CORO1C: variants seen among roughly 807,000 people sequenced by gnomAD.
CORO1C encodes the protein coronin-1C.
CORO1C carries 14 observed loss-of-function variants against 51.2 expected under a neutral mutation model. The observed-to-expected ratio is 0.27, with a 90% CI of 0.18 to 0.43. The LOEUF (loss-of-function observed/expected upper bound fraction) is 0.43. Ranked by LOEUF, CORO1C falls within the 20% of genes least tolerant of loss-of-function variation. CORO1C has a pLI of 1.00. For missense variants in CORO1C, 417 were observed against 607.8 expected (o/e 0.69, Z 3.30); for synonymous variants, 181 against 210.5 (o/e 0.86, Z 1.21).
rs547865467 is a variant in CORO1C, at chr12:108,657,066, T to A, written c.750+238A>T. 1.0e-3 allele frequency among the ~76,000 whole-genome samples: 151 copies of A among 151,606 alleles called. 2 individuals carry two copies. The highest frequency in any genetic ancestry group is 6.8e-3 in the Middle Eastern group (2 of 294). On this transcript the variant is annotated intron_variant, in intron 6 of 10. Transcript: ENST00000261401. The stretch of plus-strand genomic sequence containing the variant: ...CCAATAAAATTAAAATTAAAAAAAA[T>A]TAAAAAAATAAAAAATATATAGTCA...
chr12:108,647,465 T>G lies in CORO1C; in HGVS notation c.1363A>C (p.Ile455Leu). Reference protein sequence around the residue: ...LKEIKSIKDTICNQDERISKL... With the variant: ...LKEIKSIKDTLCNQDERISKL... The stretch of plus-strand genomic sequence containing the variant: ...GAAATACGCTCATCTTGATTGCAGA[T>G]TGTGTCTTTTATAGATTTGATCTCT... Residue 455 changes from isoleucine (I) to leucine (L), a missense_variant, in exon 11 of 11, where the codon ATC becomes CTC. Physicochemically the swap from Ile to Leu is conservative, Grantham distance 5 (BLOSUM62 2). Transcript: ENST00000261401. 1.9e-6 allele frequency: 3 copies of G among 1,611,500 alleles called. No homozygotes were observed. The highest frequency in any genetic ancestry group is 2.5e-6 in the Non-Finnish European group (3 of 1,177,720).
At chr12:108,678,191 C>A (rs536797731) in intron 3 of CORO1C, 81 bp downstream of exon 3, 1 of 1,313,738 alleles carries the variant, frequency 7.6e-7, no homozygotes, top group East Asian at 2.5e-5. Flanking sequence ...TCTATACATA[C>A]ACACACACCC....
intron 3 of CORO1C, among the ~76,000 whole-genome samples, chr12:108,676,299 A>C (rs1314274294): frequency 6.6e-6 from 1 of 152,232 alleles, no homozygotes; most frequent in Non-Finnish European, 1.5e-5. Flanking sequence ...TCGCTATGTC[A>C]TAAATCACTT....
chr12:108,710,095 A>G (rs1326694366), intron 1 of CORO1C, among the ~76,000 whole-genome samples: 1 of 152,090 alleles, frequency 6.6e-6, no homozygotes. Flanking sequence ...GTAATTTATC[A>G]CTCTCCTCCT....
At chr12:108,710,381 T>G (rs1432635731) in intron 1 of CORO1C, among the ~76,000 whole-genome samples, 1 of 152,152 alleles carries the variant, frequency 6.6e-6, no homozygotes, top group Non-Finnish European at 1.5e-5. Flanking sequence ...TAAACTTGTT[T>G]TCACTTTAAA....
chr12:108,708,462 G>C (rs1565933918), intron 1 of CORO1C, among the ~76,000 whole-genome samples: 1 of 143,690 alleles, frequency 7.0e-6, no homozygotes, highest in Admixed American at 7.0e-5. Flanking sequence ...GTTGCTTAGA[G>C]TTTTTTTTTT....
In CORO1C at chr12:108,647,318, C is replaced by T. The variant is rs536384601; in HGVS notation, c.*85G>A. The T allele has an allele frequency of 3.4e-4, 449 of 1,303,310 alleles. 1 individual carries two copies. Among genetic ancestry groups the T allele is most frequent in the Admixed American group, 4.8e-4 (18 of 37,290 alleles). The allele number at this position is 1,303,310 out of a possible 1,614,324, so 80.7% of individuals were successfully genotyped here. ...CTCCAAATGGCAGTGCCTCCCTTTCCGCCCTCCCTAGGACCACACCAATAA... is the reference window on the plus strand; with the variant it reads ...CTCCAAATGGCAGTGCCTCCCTTTCTGCCCTCCCTAGGACCACACCAATAA... On this transcript the variant is annotated 3_prime_UTR_variant, in exon 11 of 11. Coordinates refer to ENST00000261401, the MANE Select transcript of CORO1C (RefSeq NM_014325.4).
intron 3 of CORO1C, among the ~76,000 whole-genome samples, chr12:108,673,927 C>T (rs1282679586): frequency 6.6e-6 from 1 of 151,844 alleles, no homozygotes; most frequent in African/African-American, 2.4e-5. Context: ...TAAATCTACT[C>T]TATGTTCTAG....
chr12:108,647,558 G>A (rs2032419748), intron 10 of CORO1C, 36 bp from the exon 11 acceptor site: 1 of 1,528,488 alleles, frequency 6.5e-7, no homozygotes, highest in African/African-American at 1.4e-5. Flanking sequence ...TGATTAAAAT[G>A]CAGTAAACAA....
Position 108,657,346 on chromosome 12 carries a change from C to T in CORO1C, c.708G>A (p.Gly236=), listed in dbSNP as rs188618736. The change falls in exon 6 of 11, where the codon GGG becomes GGA. Residue 236 remains glycine (G), a synonymous_variant. Coordinates refer to ENST00000261401, the MANE Select transcript of CORO1C (RefSeq NM_014325.4). ...FLADGNVFTT[G]FSRMSERQLA... ...GCTGCCGCTCGCTCATGCGGCTGAACCCAGTGGTGAAGACATTGCCATCGG... is the reference window on the plus strand; with the variant it reads ...GCTGCCGCTCGCTCATGCGGCTGAATCCAGTGGTGAAGACATTGCCATCGG... The T allele has an allele frequency of 6.2e-7, 1 of 1,614,112 alleles. No individual in the cohort carries two copies. The highest frequency in any genetic ancestry group is 8.5e-7 in the Non-Finnish European group (1 of 1,179,978).
intron 1 of CORO1C, among the ~76,000 whole-genome samples, chr12:108,710,694 G>T (rs1447809414): frequency 2.0e-5 from 3 of 151,906 alleles, no homozygotes; most frequent in Non-Finnish European, 4.4e-5. Context: ...CTCCCGAGTA[G>T]CTGGGACAAC....
chr12:108,723,653 T>C (rs1248634532), intron 1 of CORO1C, among the ~76,000 whole-genome samples: 1 of 152,344 alleles, frequency 6.6e-6, no homozygotes, highest in South Asian at 2.1e-4. Context: ...CAAACCACCA[T>C]GTGACCAGAC....
intron 1 of CORO1C, among the ~76,000 whole-genome samples, chr12:108,711,914 T>C (rs1357896121): frequency 2.0e-5 from 3 of 152,190 alleles, no homozygotes; most frequent in Admixed American, 2.0e-4. Context: ...TTCCAGCAGA[T>C]GTACTTCTAT....
rs551746997 is a variant in CORO1C, at chr12:108,645,604, C to T, written c.*1799G>A. 1 of 152,298 alleles carries T rather than the reference C, an allele frequency of 6.6e-6. No homozygotes were observed. The highest frequency in any genetic ancestry group is 2.1e-4 in the South Asian group (1 of 4,832). The allele number at this position is 152,298 out of a possible 1,614,324, so 9.4% of individuals were successfully genotyped here. ...ACACATACATACACACACACAAAAC[C>T]ACATCAAACATTCAGATGCCCTGAA... is the stretch of plus-strand genomic sequence containing the variant. On this transcript the variant is annotated 3_prime_UTR_variant, in exon 11 of 11. Coordinates refer to ENST00000261401, the MANE Select transcript of CORO1C (RefSeq NM_014325.4).
chr12:108,669,615 T>C (rs1172851966), intron 3 of CORO1C, among the ~76,000 whole-genome samples: 3 of 143,972 alleles, frequency 2.1e-5, no homozygotes, highest in Non-Finnish European at 4.5e-5. Flanking sequence ...CTACTATTTG[T>C]AGCTCATGAG....
chr12:108,709,735 G>A (rs1319196485), intron 1 of CORO1C, among the ~76,000 whole-genome samples: 1 of 151,976 alleles, frequency 6.6e-6, no homozygotes, highest in African/African-American at 2.4e-5. Flanking sequence ...GAAAAAAAAA[G>A]AGTAAATGAA....
At chr12:108,675,146 T>C (rs2033860978) in intron 3 of CORO1C, among the ~76,000 whole-genome samples, 1 of 152,090 alleles carries the variant, frequency 6.6e-6, no homozygotes, top group African/African-American at 2.4e-5. Flanking sequence ...AGCAAAAAGA[T>C]TACACTCTCT....
Position 108,701,302 on chromosome 12 carries a change from C to T in CORO1C, c.17G>A (p.Arg6Gln). MRRVV[R>Q]QSKFRHVFGQ... ...AAATACATGCCGAAACTTGCTCTGT[C>T]GTACCACTCGCCTCATCGTGTCTGC... The change falls in exon 2 of 11, where the codon CGA becomes CAA. Residue 6 changes from arginine to glutamine, a missense_variant. Coordinates refer to ENST00000261401, the MANE Select transcript of CORO1C (RefSeq NM_014325.4). The T allele has an allele frequency of 6.2e-7, 1 of 1,614,126 alleles. No homozygotes were observed. Among genetic ancestry groups the T allele is most frequent in the Non-Finnish European group, 8.5e-7 (1 of 1,180,006 alleles).
chr12:108,711,161 G>A lies in CORO1C; in HGVS notation c.-5-9838C>T, dbSNP rs145748526. On this transcript the variant is annotated intron_variant, in intron 1 of 10. Coordinates refer to ENST00000261401, the MANE Select transcript of CORO1C (RefSeq NM_014325.4). ...GAGGATGACTAGAGTCCAGGAGTTCGAGACCAGCCCAGGCAACATAGCGAG... is the reference window on the plus strand; with the variant it reads ...GAGGATGACTAGAGTCCAGGAGTTCAAGACCAGCCCAGGCAACATAGCGAG... Among the ~76,000 whole-genome samples the A allele has an allele frequency of 2.3e-3, 356 of 152,044 alleles. 2 individuals carry two copies. The highest frequency in any genetic ancestry group is 7.8e-3 in the African/African-American group (323 of 41,484).
Sources: gnomAD v4.1 joint callset for allele counts (sites outside exome capture counted in the v4.1 genomes callset) on GRCh38, gnomAD v4.1.1 for gene constraint, MANE v1.5 for transcripts, NCBI Gene and HGNC (gene_info 2026-07-23, HGNC 2026-07-21) for gene names.